HYAL3: variants seen among roughly 807,000 people sequenced by gnomAD.
HYAL3 encodes the protein hyaluronidase-3.
HYAL3 carries 25 observed loss-of-function variants against 29.6 expected under a neutral mutation model. That is an observed-to-expected ratio of 0.85 (90% CI 0.62 to 1.18). The LOEUF is 1.18. Among genes scored for constraint, HYAL3 ranks in the 50% most tolerant of loss-of-function variants. HYAL3 has a pLI of 0.00. For synonymous variants in HYAL3, 215 were observed against 218.3 expected (o/e 0.99, Z 0.13); for missense variants, 442 against 548.4 (o/e 0.81, Z 1.94).
intron 1 of HYAL3, among the ~76,000 whole-genome samples, chr3:50,296,213 T>A (rs1248584025): frequency 6.6e-6 from 1 of 152,082 alleles, no homozygotes; most frequent in Non-Finnish European, 1.5e-5. Context: ...TGAATGGTAA[T>A]GAGTGAATGG....
chr3:50,296,365 G>C lies in HYAL3; in HGVS notation c.-17-746C>G. 5.4e-6 allele frequency: 3 copies of C among 554,690 alleles called. No individual in the cohort carries two copies. The South Asian group carries it at 7.2e-5, about 13-fold the overall frequency. 34.4% of individuals were successfully genotyped at this position (554,690 alleles called of 1,614,324 possible). A position where few individuals can be genotyped will look rare whatever the true frequency, so the allele number is the denominator to read the frequency against. On this transcript the variant is annotated intron_variant, in intron 1 of 3. Coordinates refer to ENST00000336307, the MANE Select transcript of HYAL3 (RefSeq NM_003549.4). ...GGGACCTGCAGAAGAGGTGAGAGGT[G>C]AGGGTAGGGGGATCAACAAATAAAC...
At chr3:50,298,045 G>A in intron 1 of HYAL3, 1 of 985,664 alleles carries the variant, frequency 1.0e-6, no homozygotes, top group Non-Finnish European at 1.2e-6. Context: ...CAATCTACTT[G>A]CTGGCCTTCT....
intron 1 of HYAL3, chr3:50,296,390 C>T (rs1553711147): frequency 3.3e-6 from 2 of 599,658 alleles, no homozygotes; most frequent in East Asian, 2.9e-5. Context: ...AACAAATAAA[C>T]TGTCACAGCC....
chr3:50,296,174 C>G (rs782100755), intron 1 of HYAL3, among the ~76,000 whole-genome samples: 1 of 152,184 alleles, frequency 6.6e-6, no homozygotes, highest in Non-Finnish European at 1.5e-5. Context: ...TATGTCCCGT[C>G]CAGGGCTTGA....
rs782552157 is a variant in HYAL3, at chr3:50,293,047, C to T, written c.*199G>A. The T allele has an allele frequency of 2.1e-6, 3 of 1,426,202 alleles. No individual in the cohort carries two copies. The highest frequency in any genetic ancestry group is 2.9e-6 in the Non-Finnish European group (3 of 1,029,436). 88.3% of individuals were successfully genotyped at this position (1,426,202 alleles called of 1,614,324 possible). ...GGAACTGCTTCCTTGCCATGGAGGA[C>T]TCACATGATCTCAGAGGGCCTCTGG... On this transcript the variant is annotated 3_prime_UTR_variant, in exon 4 of 4. Transcript: ENST00000336307.
In HYAL3 at chr3:50,299,392, G is replaced by C; in HGVS notation, c.-197C>G. 9.9e-6 allele frequency: 14 copies of C among 1,411,198 alleles called. No individual in the cohort carries two copies. Among genetic ancestry groups the C allele is most frequent in the Non-Finnish European group, 1.3e-5 (14 of 1,044,040 alleles). The allele number at this position is 1,411,198 out of a possible 1,614,324, so 87.4% of individuals were successfully genotyped here. On this transcript the variant is annotated 5_prime_UTR_variant, in exon 1 of 4. Coordinates refer to ENST00000336307, the MANE Select transcript of HYAL3 (RefSeq NM_003549.4). ...CGTTCTAAGGCCTCCCAGCACCCGC[G>C]CGTCGCCGCTTAGAACCCGCCCCTG... is the stretch of plus-strand genomic sequence containing the variant.
Position 50,297,271 on chromosome 3 carries a change from C to A in HYAL3, c.-17-1652G>T. ...TCCAGGAGCTCGGGTCGGCGGTGCACAGGCTCCAGGGTCAACTCAGCCAGG... is the reference window on the plus strand; with the variant it reads ...TCCAGGAGCTCGGGTCGGCGGTGCAAAGGCTCCAGGGTCAACTCAGCCAGG... On this transcript the variant is annotated intron_variant, in intron 1 of 3. Coordinates refer to ENST00000336307, the MANE Select transcript of HYAL3 (RefSeq NM_003549.4). The surrounding 1 kb of genome is among the most constrained non-coding windows in gnomAD (Gnocchi z 4.3). The A allele has an allele frequency of 6.2e-7, 1 of 1,608,016 alleles. No homozygotes were observed. The highest frequency in any genetic ancestry group is 8.5e-7 in the Non-Finnish European group (1 of 1,176,066).
chr3:50,298,356 T>C, intron 1 of HYAL3, among the ~76,000 whole-genome samples: 1 of 151,958 alleles, frequency 6.6e-6, no homozygotes, highest in East Asian at 1.9e-4. Context: ...CCTTCCCAAC[T>C]CTGCCCATCT....
At chr3:50,296,616 T>C (rs1553711182) in intron 1 of HYAL3, 1 of 1,614,016 alleles carries the variant, frequency 6.2e-7, no homozygotes, top group Admixed American at 1.7e-5. Context: ...GATGTCTTTT[T>C]CCATCCAGAA....
chr3:50,295,791 A>T, intron 1 of HYAL3, 172 bp from the exon 2 acceptor site: 1 of 378,926 alleles, frequency 2.6e-6, no homozygotes, highest in African/African-American at 2.3e-5. Context: ...CCACACCGCA[A>T]GCTGGCTATG....
rs1553711553 is a variant in HYAL3 at position 50,297,431 on chromosome 3, C to T, written c.-18+1782G>A. 1 of 1,611,954 alleles carries T rather than the reference C, an allele frequency of 6.2e-7. No individual in the cohort carries two copies. The highest frequency in any genetic ancestry group is 1.7e-5 in the Admixed American group (1 of 59,806). On this transcript the variant is annotated intron_variant, in intron 1 of 3. Transcript: ENST00000336307. The surrounding 1 kb of genome is among the most constrained non-coding windows in gnomAD (Gnocchi z 4.3). ...GCTGGCACGCAGGATCCAGAGTCAG[C>T]TCAGCTGGGCTGGTACTCAGGATCA...
At chr3:50,294,500 C>T (rs1286553677) in intron 2 of HYAL3, among the ~76,000 whole-genome samples, 1 of 152,172 alleles carries the variant, frequency 6.6e-6, no homozygotes, top group Non-Finnish European at 1.5e-5. Context: ...TATCTCCCCT[C>T]AGGCCAGCAC....
In HYAL3 at chr3:50,293,255, T is replaced by C. The variant is rs782218314; in HGVS notation, c.1245A>G (p.Glu415=). 1 of 1,613,108 alleles carries C rather than the reference T, an allele frequency of 6.2e-7. No individual in the cohort carries two copies. Among genetic ancestry groups the C allele is most frequent in the Non-Finnish European group, 8.5e-7 (1 of 1,180,024 alleles). ...GGCAGGGGCCCTGGCTTTATACTGC[T>C]TCTTTAGGCCCAGGCCTGGGCTCCT... ...TCQEPRPGPK[E]AV Residue 415 remains glutamate (E), a synonymous_variant, in exon 4 of 4, where the codon GAA becomes GAG. Coordinates refer to ENST00000336307, the MANE Select transcript of HYAL3 (RefSeq NM_003549.4).
At position 50,299,395 on chromosome 3, in the gene HYAL3, T is replaced by G; in HGVS notation, c.-200A>C. 7.2e-7 allele frequency: 1 copy of G among 1,392,846 alleles called. No homozygotes were observed. Among genetic ancestry groups the G allele is most frequent in the Non-Finnish European group, 9.7e-7 (1 of 1,029,180 alleles). 86.3% of individuals were successfully genotyped at this position (1,392,846 alleles called of 1,614,324 possible). On this transcript the variant is annotated 5_prime_UTR_variant, in exon 1 of 4. Transcript: ENST00000336307. ...TCTAAGGCCTCCCAGCACCCGCGCG[T>G]CGCCGCTTAGAACCCGCCCCTGGTT...
chr3:50,297,491 C>G lies in HYAL3; in HGVS notation c.-18+1722G>C. ...GGTGTGTAGGGTCTAGTGTAGGGGT[C>G]AGCTTGGCTGGGCCAGGGCTCAGAG... is the stretch of plus-strand genomic sequence containing the variant. On this transcript the variant is annotated intron_variant, in intron 1 of 3. Coordinates refer to ENST00000336307, the MANE Select transcript of HYAL3 (RefSeq NM_003549.4). The surrounding 1 kb of genome is among the most constrained non-coding windows in gnomAD (Gnocchi z 4.3). 6.4e-7 allele frequency: 1 copy of G among 1,556,550 alleles called. No individual in the cohort carries two copies. The highest frequency in any genetic ancestry group is 8.7e-7 in the Non-Finnish European group (1 of 1,147,660).
At chr3:50,299,143 C>T in intron 1 of HYAL3, 70 bp downstream of exon 1, 1 of 1,613,528 alleles carries the variant, frequency 6.2e-7, no homozygotes. Context: ...TGCAGGGTGG[C>T]ATGGCCACTT....
rs1553711900 is a variant in HYAL3, at chr3:50,299,227, C to T, written c.-32G>A. 1 of 1,614,152 alleles carries T rather than the reference C, an allele frequency of 6.2e-7. No individual in the cohort carries two copies. Among genetic ancestry groups the T allele is most frequent in the Admixed American group, 1.7e-5 (1 of 60,034 alleles). On this transcript the variant is annotated 5_prime_UTR_variant, in exon 1 of 4. Transcript: ENST00000336307. ...GCGGTACTGACATGTTGATGCTGGC[C>T]TCTGGGATGTTCCGCGTCCTAGCTC...
In HYAL3 at chr3:50,299,253, C is replaced by T. The variant is rs1553711911; in HGVS notation, c.-58G>A. The T allele has an allele frequency of 4.3e-6, 7 of 1,614,022 alleles. No homozygotes were observed. Among genetic ancestry groups the T allele is most frequent in the Non-Finnish European group, 5.1e-6 (6 of 1,180,000 alleles). ...TCTGGGATGTTCCGCGTCCTAGCTCCGCACAGCTGGGTATCTCACTCAGTC... is the reference window on the plus strand; with the variant it reads ...TCTGGGATGTTCCGCGTCCTAGCTCTGCACAGCTGGGTATCTCACTCAGTC... On this transcript the variant is annotated 5_prime_UTR_variant, in exon 1 of 4. Transcript: ENST00000336307.
In HYAL3 at chr3:50,296,239, C is replaced by T. The variant is rs1363608728; in HGVS notation, c.-17-620G>A. Among the ~76,000 whole-genome samples, 3 of 152,208 alleles carry T rather than the reference C, an allele frequency of 2.0e-5. No homozygotes were observed. In the East Asian group the frequency reaches 5.8e-4, roughly 29 times the overall value. On this transcript the variant is annotated intron_variant, in intron 1 of 3. Transcript: ENST00000336307. ...GAGTGAATGGGGAAGAAAACAGCCA[C>T]CCTGTCTCCTGAGCCAGGTGGGGGG... is the stretch of plus-strand genomic sequence containing the variant.
Sources: allele counts gnomAD v4.1 joint callset (sites outside exome capture counted in the v4.1 genomes callset), GRCh38; gene constraint gnomAD v4.1.1; non-coding constraint Gnocchi (gnomAD v3.1); transcripts MANE v1.5; gene names NCBI Gene and HGNC (gene_info 2026-07-23, HGNC 2026-07-21).